The following CNTN5 variants were observed in gnomAD, a reference collection of about 807,000 sequenced individuals.
The protein encoded by CNTN5 is contactin 5.
CNTN5 carries 77 observed loss-of-function variants against 129.1 expected under a neutral mutation model. The ratio of observed to expected loss-of-function variants is 0.60; its 90% CI spans 0.50 to 0.72. The LOEUF is 0.72. CNTN5 is among the 30% of genes least tolerant of loss of function. The pLI, the probability that CNTN5 is intolerant of heterozygous loss-of-function variation, is 0.00. For missense variants in CNTN5, 1,478 were observed against 1,328.8 expected, an observed-to-expected ratio of 1.11 and a Z score of -1.75; for synonymous variants, 509 against 465.6, an observed-to-expected ratio of 1.09 and a Z score of -1.20.
intron 7 of CNTN5, among the ~76,000 whole-genome samples, chr11:99,933,017 T>A (rs1950227219): frequency 6.6e-6 from 1 of 152,218 alleles, no homozygotes; most frequent in Non-Finnish European, 1.5e-5. Context: ...TAGCCCTGGA[T>A]GTTATCAGGT....
intron 18 of CNTN5, among the ~76,000 whole-genome samples, chr11:100,293,068 G>T (rs1486760548): frequency 6.6e-6 from 1 of 151,816 alleles, no homozygotes; most frequent in Non-Finnish European, 1.5e-5. Flanking sequence ...AGTTTTATCT[G>T]GGGGTATGTG....
At chr11:100,174,493 T>A (rs112465517) in intron 13 of CNTN5, among the ~76,000 whole-genome samples, 1 of 152,086 alleles carries the variant, frequency 6.6e-6, no homozygotes, top group Admixed American at 6.6e-5. Context: ...CACATGGAAG[T>A]TTCCACACAA....
At chr11:99,095,021 T>C (rs1220042997) in intron 1 of CNTN5, among the ~76,000 whole-genome samples, 1 of 151,914 alleles carries the variant, frequency 6.6e-6, no homozygotes, top group Non-Finnish European at 1.5e-5. Flanking sequence ...CTGGGATACA[T>C]GTGCAGAACA....
chr11:100,198,854 T>A (rs1467184524), intron 15 of CNTN5, among the ~76,000 whole-genome samples: 1 of 151,904 alleles, frequency 6.6e-6, no homozygotes, highest in Non-Finnish European at 1.5e-5. Context: ...AAAGACAGAA[T>A]ATAAACCCCT....
chr11:99,586,518 T>C (rs1394684783), intron 3 of CNTN5, among the ~76,000 whole-genome samples: 1 of 152,220 alleles, frequency 6.6e-6, no homozygotes, highest in African/African-American at 2.4e-5. Context: ...CCCGCAGTCT[T>C]TGCCTTATCA....
chr11:99,727,312 C>CAAAAAAAAAAAAAAAAAAAAAAAAA (rs397936738), intron 3 of CNTN5, among the ~76,000 whole-genome samples: 30 of 24,256 alleles, frequency 1.2e-3, no homozygotes, highest in East Asian at 7.5e-3. Context: ...GACTCCGTCT[C>CAAAAAAAAAAAAAAAAAAAAAAAAA]AAAAAAAAAA....
At chr11:99,231,983 T>A (rs1861023696) in intron 1 of CNTN5, among the ~76,000 whole-genome samples, 3 of 152,076 alleles carry the variant, frequency 2.0e-5, no homozygotes, top group Non-Finnish European at 4.4e-5. Context: ...ATTTCCGAGT[T>A]CTCTATTTTG....
At chr11:100,083,217 T>A (rs756579690) in intron 13 of CNTN5, among the ~76,000 whole-genome samples, 1 of 151,062 alleles carries the variant, frequency 6.6e-6, no homozygotes, top group African/African-American at 2.4e-5. Context: ...CTCGGGAGGA[T>A]GAGGCAGGAG....
intron 2 of CNTN5, among the ~76,000 whole-genome samples, chr11:99,443,169 G>A (rs917411366): frequency 3.9e-5 from 6 of 152,092 alleles, no homozygotes; most frequent in Admixed American, 1.3e-4. Context: ...AGTCACTAGC[G>A]ACTTGTTGAA....
At chr11:99,983,118 T>C (rs983438213) in intron 8 of CNTN5, among the ~76,000 whole-genome samples, 18 of 129,868 alleles carry the variant, frequency 1.4e-4, no homozygotes, top group African/African-American at 5.1e-4. Flanking sequence ...GTAAACAACA[T>C]TAAAATGCAA....
At chr11:99,998,788 G>C (rs1939637959) in intron 8 of CNTN5, among the ~76,000 whole-genome samples, 2 of 150,684 alleles carry the variant, frequency 1.3e-5, no homozygotes, top group Non-Finnish European at 2.9e-5. Flanking sequence ...AAATAGCCTG[G>C]TACTGGTACC....
intron 1 of CNTN5, among the ~76,000 whole-genome samples, chr11:99,214,400 A>T (rs1053694221): frequency 1.4e-5 from 2 of 146,948 alleles, no homozygotes; most frequent in South Asian, 2.1e-4. Flanking sequence ...TATATAAATA[A>T]ATATATATAT....
At chr11:99,577,171 T>G (rs1266562826) in intron 3 of CNTN5, among the ~76,000 whole-genome samples, 1 of 152,128 alleles carries the variant, frequency 6.6e-6, no homozygotes, top group African/African-American at 2.4e-5. Flanking sequence ...ATTGAGGGTA[T>G]TTGAATAGGT....
At chr11:99,423,299 CA>C (rs1942979495) in intron 2 of CNTN5, among the ~76,000 whole-genome samples, 1 of 152,138 alleles carries the variant, frequency 6.6e-6, no homozygotes, top group Non-Finnish European at 1.5e-5. Context: ...TTGCAGTTTG[CA>C]GCAAGGTGCC....
chr11:99,715,335 A>C (rs1006083977), intron 3 of CNTN5, among the ~76,000 whole-genome samples: 12 of 151,940 alleles, frequency 7.9e-5, no homozygotes, highest in African/African-American at 1.9e-4. Context: ...TAGCTCACAG[A>C]GGCAATGGTG....
At chr11:100,083,053 C>T (rs1209940047) in intron 13 of CNTN5, among the ~76,000 whole-genome samples, 1 of 152,014 alleles carries the variant, frequency 6.6e-6, no homozygotes, top group Non-Finnish European at 1.5e-5. Flanking sequence ...CAGTGGTTCA[C>T]ACCGGTAATC....
At chr11:99,331,642 T>C (rs2136027538) in intron 2 of CNTN5, among the ~76,000 whole-genome samples, 2 of 152,310 alleles carry the variant, frequency 1.3e-5, no homozygotes, top group East Asian at 3.9e-4. Context: ...TACTTTTACA[T>C]ATCTGCAGTA....
intron 1 of CNTN5, among the ~76,000 whole-genome samples, chr11:99,140,040 C>T (rs908841272): frequency 1.3e-5 from 2 of 151,906 alleles, no homozygotes; most frequent in Non-Finnish European, 2.9e-5. Context: ...TTTTCTTAAA[C>T]AACATTAATT....
intron 9 of CNTN5, among the ~76,000 whole-genome samples, chr11:100,030,530 A>G (rs1473398344): frequency 6.6e-6 from 1 of 152,118 alleles, no homozygotes; most frequent in Non-Finnish European, 1.5e-5. Flanking sequence ...TGCACAATCC[A>G]TTGTGAACCA....
Sources: gnomAD v4.1 joint callset for allele counts (sites outside exome capture counted in the v4.1 genomes callset) on GRCh38, gnomAD v4.1.1 for gene constraint, MANE v1.5 for transcripts, NCBI Gene and HGNC (gene_info 2026-07-23, HGNC 2026-07-21) for gene names.